The following SUMF2 variants were observed in gnomAD, a reference collection of about 807,000 sequenced individuals.
SUMF2 encodes inactive C-alpha-formylglycine-generating enzyme 2.
In SUMF2, 45 loss-of-function variants were observed where a neutral mutation model predicts 44.8. That is an observed-to-expected ratio of 1.00 (90% CI 0.79 to 1.29). The LOEUF (loss-of-function observed/expected upper bound fraction) is 1.29. Ranked by LOEUF, SUMF2 falls within the 50% of genes most tolerant of loss-of-function variation. The pLI is 0.00. For synonymous variants in SUMF2, 148 were observed against 150.4 expected (o/e 0.98, Z 0.12); for missense variants, 418 against 389.9 (o/e 1.07, Z -0.61).
At chr7:56,086,813 G>C in the SUMF2 span, 1 of 638,842 alleles carries the variant, frequency 1.6e-6, no homozygotes, top group Non-Finnish European at 2.9e-6. Context: ...AAAGCCGGCA[G>C]CCTGACCCCA....
rs1388327797 is a variant in SUMF2 at position 56,080,657 on chromosome 7, A to G, written c.*1045A>G. 8.7e-6 allele frequency: 2 copies of G among 229,992 alleles called. No homozygotes were observed. Among genetic ancestry groups the G allele is most frequent in the East Asian group, 1.1e-4 (1 of 8,922 alleles). 14.2% of individuals were successfully genotyped at this position (229,992 alleles called of 1,614,324 possible). On this transcript the variant is annotated 3_prime_UTR_variant, in exon 9 of 9. Transcript: ENST00000434526. ...TCATGGGGCCAATAAAATCTCCTGC[A>G]ATTGTGTATCTCAGACATTTGTGTC...
At chr7:56,077,690 C>T (rs1314512675) in intron 6 of SUMF2, among the ~76,000 whole-genome samples, 2 of 151,446 alleles carry the variant, frequency 1.3e-5, no homozygotes, top group Non-Finnish European at 2.9e-5. Context: ...CTAAAATAAG[C>T]AAATAAAAAA....
intron 1 of SUMF2, among the ~76,000 whole-genome samples, chr7:56,065,320 C>G (rs1259255407): frequency 6.6e-6 from 1 of 152,146 alleles, no homozygotes; most frequent in Non-Finnish European, 1.5e-5. Context: ...CGCACACTCC[C>G]CCTCTCCTGG....
In SUMF2 at chr7:56,079,632, G is replaced by A; in HGVS notation, c.*20G>A. On this transcript the variant is annotated 3_prime_UTR_variant, in exon 9 of 9. Transcript: ENST00000434526. ...CTGTAAGCAGCCGGGTGGTGACAAG[G>A]AGAAAAGCCTTCTAGGGTCACTGTC... The A allele has an allele frequency of 6.2e-7, 1 of 1,614,240 alleles. No homozygotes were observed. The highest frequency in any genetic ancestry group is 8.5e-7 in the Non-Finnish European group (1 of 1,180,046).
At chr7:56,064,756 G>T (rs1794637641) in intron 1 of SUMF2, among the ~76,000 whole-genome samples, 1 of 151,444 alleles carries the variant, frequency 6.6e-6, no homozygotes, top group Admixed American at 6.6e-5. Context: ...GGCGGCGGGT[G>T]CCTGTAATCC....
chr7:56,081,399 G>C, downstream of SUMF2: 1 of 1,441,986 alleles, frequency 6.9e-7, no homozygotes, highest in Non-Finnish European at 9.2e-7. This position sits in a 1 kb window ranked among gnomAD's most constrained non-coding sequence, Gnocchi z 4.6. Context: ...ACGAAGCCTT[G>C]GGTGGCTTCT....
intron 2 of SUMF2, among the ~76,000 whole-genome samples, chr7:56,070,855 A>G (rs1481210481): frequency 6.6e-6 from 1 of 152,176 alleles, no homozygotes; most frequent in Non-Finnish European, 1.5e-5. Context: ...AACAACATGG[A>G]TGAATCTCAG....
intron 4 of SUMF2, 169 bp from the exon 5 acceptor site, chr7:56,074,417 C>T (rs1238670159): frequency 1.7e-5 from 17 of 1,026,200 alleles, no homozygotes; most frequent in Non-Finnish European, 2.1e-5. Flanking sequence ...CTCCCTTCAG[C>T]CTCCTGTAGT....
intron 5 of SUMF2, among the ~76,000 whole-genome samples, chr7:56,075,020 C>T (rs1795445301): frequency 6.6e-6 from 1 of 152,006 alleles, no homozygotes; most frequent in African/African-American, 2.4e-5. Context: ...ATCCTTTGAG[C>T]CTAGGAGTTC....
chr7:56,070,747 C>T (rs1795102947), intron 2 of SUMF2, among the ~76,000 whole-genome samples: 2 of 152,092 alleles, frequency 1.3e-5, no homozygotes, highest in South Asian at 4.1e-4. Context: ...CAGGAGATAA[C>T]TCACATGATC....
chr7:56,081,284 C>T (rs201221003), downstream of SUMF2: 28 of 1,609,932 alleles, frequency 1.7e-5, no homozygotes, highest in Middle Eastern at 3.6e-4. The surrounding 1 kb of genome is among the most constrained non-coding windows in gnomAD (Gnocchi z 4.6). Context: ...GAAGCCAGCA[C>T]GGTCAGAGCG....
rs143123384 is a variant in SUMF2, at chr7:56,064,705, T to C, written c.67+327T>C. 6.1e-4 allele frequency among the ~76,000 whole-genome samples: 88 copies of C among 143,794 alleles called. 1 individual carries two copies. In the East Asian group the frequency reaches 0.018, roughly 29 times the overall value. 94.3% of individuals were successfully genotyped at this position (143,794 alleles called of 152,430 possible). A position where few individuals can be genotyped will look rare whatever the true frequency, so the allele number is the denominator to read the frequency against. ...CCTGGCCAACGTGAAACCCTGTCTC[T>C]ACAAAAATACAAAAACAAAAAAACA... On this transcript the variant is annotated intron_variant, in intron 1 of 8. Transcript: ENST00000434526.
chr7:56,069,092 A>G (rs531354517), intron 2 of SUMF2, among the ~76,000 whole-genome samples: 1 of 152,302 alleles, frequency 6.6e-6, no homozygotes, highest in Non-Finnish European at 1.5e-5. Context: ...TATGTTATTC[A>G]GATGAAGAAC....
downstream of SUMF2, chr7:56,083,031 G>A (rs1023854621): frequency 2.4e-6 from 1 of 413,432 alleles, no homozygotes; most frequent in Non-Finnish European, 4.4e-6. Context: ...ACTTGAACTC[G>A]GGAGGTGGAA....
At chr7:56,085,811 A>T in the SUMF2 span, among the ~76,000 whole-genome samples, 2 of 151,988 alleles carry the variant, frequency 1.3e-5, no homozygotes, top group Non-Finnish European at 2.9e-5. Flanking sequence ...CTAAAACAGT[A>T]CACACATAAA....
intron 2 of SUMF2, 54 bp downstream of exon 2, chr7:56,068,692 TTTTC>T (rs773718219): frequency 2.4e-5 from 38 of 1,564,286 alleles, no homozygotes; most frequent in African/African-American, 2.2e-4. Context: ...TCTCATTCTT[TTTTC>T]TTTCTTTTTT....
Position 56,076,719 on chromosome 7 carries a change from T to C in SUMF2, c.536-115T>C. 9 of 993,956 alleles carry C rather than the reference T, an allele frequency of 9.1e-6. No homozygotes were observed. In the South Asian group the frequency reaches 1.2e-4, roughly 13 times the overall value. 61.6% of individuals were successfully genotyped at this position (993,956 alleles called of 1,614,324 possible). ...GCAAATAAAAGCAGGTCATTCACTC[T>C]TTTTTCTCATCACCCTCTAACTTCC... On this transcript the variant is annotated intron_variant, in intron 5 of 8. Coordinates refer to ENST00000434526, the MANE Select transcript of SUMF2 (RefSeq NM_015411.4).
At position 56,076,569 on chromosome 7, in the gene SUMF2, C is replaced by T. The variant is rs1795563097; in HGVS notation, c.536-265C>T. The T allele has an allele frequency of 2.2e-5, 8 of 371,686 alleles. No individual in the cohort carries two copies. The East Asian group carries it at 3.2e-4, about 15-fold the overall frequency. The allele number at this position is 371,686 out of a possible 1,614,324, so 23.0% of individuals were successfully genotyped here. ...ATTTCTGTACTTTTCTCAACATGAA[C>T]TGATAACAGATGCTTTATAAACTGG... On this transcript the variant is annotated intron_variant, in intron 5 of 8. Transcript: ENST00000434526.
chr7:56,084,158 C>T, downstream of SUMF2: 1 of 1,528,492 alleles, frequency 6.5e-7, no homozygotes, highest in Non-Finnish European at 8.8e-7. Flanking sequence ...CCTTGCCCTG[C>T]CCTGGGCCCT....
Sources: gnomAD v4.1 joint callset for allele counts (sites outside exome capture counted in the v4.1 genomes callset) on GRCh38, gnomAD v4.1.1 for gene constraint, Gnocchi (gnomAD v3.1) non-coding constraint, MANE v1.5 for transcripts, NCBI Gene and HGNC (gene_info 2026-07-23, HGNC 2026-07-21) for gene names.